The following HPCAL1 variants were observed in gnomAD, a reference collection of about 807,000 sequenced individuals.
The protein encoded by HPCAL1 is hippocalcin-like protein 1.
HPCAL1 carries 8 observed loss-of-function variants against 17.1 expected under a neutral mutation model. The observed-to-expected ratio is 0.47, with a 90% CI of 0.27 to 0.84. The LOEUF (loss-of-function observed/expected upper bound fraction) is 0.84. Ranked by LOEUF, HPCAL1 falls within the 40% of genes least tolerant of loss-of-function variation. The probability of loss-of-function intolerance (pLI) is 0.13; values close to 1 mark genes in which losing one functional copy is unlikely to be tolerated. For missense variants in HPCAL1, 165 were observed against 271.1 expected (o/e 0.61, Z 2.75); for synonymous variants, 112 against 111.4 (o/e 1.01, Z -0.03).
rs887980 is a variant in HPCAL1 at position 10,363,126 on chromosome 2, G to A, written c.-110-33709G>A. Among the ~76,000 whole-genome samples, 27,082 of 152,104 alleles carry A rather than the reference G, an allele frequency of 0.18. 3,376 individuals are homozygous for A. Among genetic ancestry groups the A allele is most frequent in the African/African-American group, 0.35 (14,484 of 41,478 alleles). On this transcript the variant is annotated intron_variant, in intron 1 of 4. Transcript: ENST00000307845. The surrounding 1 kb of genome is among the most constrained non-coding windows in gnomAD (Gnocchi z 4.7). ...ACAGAGCAAGACCTTGTCTCAAAAA[G>A]TAAATAAAAAATAAAACCCATTCTC...
At chr2:10,374,675 T>A (rs1026665112) in intron 1 of HPCAL1, among the ~76,000 whole-genome samples, 2 of 152,346 alleles carry the variant, frequency 1.3e-5, no homozygotes, top group South Asian at 4.1e-4. Flanking sequence ...AGAAGGCTTC[T>A]TGGAAAGGGC....
chr2:10,349,702 C>CAAAAAAAAAAAAAAAAAAA (rs55897775), intron 1 of HPCAL1, among the ~76,000 whole-genome samples: 2 of 52,730 alleles, frequency 3.8e-5, no homozygotes, highest in African/African-American at 9.7e-5. Context: ...GACTCTGTCT[C>CAAAAAAAAAAAAAAAAAAA]AAAAAAAAAA....
At chr2:10,398,306 C>A (rs934685497) in intron 2 of HPCAL1, among the ~76,000 whole-genome samples, 3 of 152,244 alleles carry the variant, frequency 2.0e-5, no homozygotes, top group Non-Finnish European at 4.4e-5. Flanking sequence ...TCCTCCAAGT[C>A]CTCATACAAA....
intron 1 of HPCAL1, among the ~76,000 whole-genome samples, chr2:10,378,608 G>C (rs975305016): frequency 6.6e-6 from 1 of 152,064 alleles, no homozygotes; most frequent in African/African-American, 2.4e-5. Context: ...CATCATGGGG[G>C]CCTCACTCTC....
intron 1 of HPCAL1, among the ~76,000 whole-genome samples, chr2:10,307,390 A>G (rs1376915270): frequency 1.3e-5 from 2 of 152,212 alleles, no homozygotes; most frequent in East Asian, 3.8e-4. Context: ...GCATGTCTAG[A>G]GGACAGTTCC....
At chr2:10,421,955 G>A (rs781755176) in intron 3 of HPCAL1, among the ~76,000 whole-genome samples, 2 of 152,132 alleles carry the variant, frequency 1.3e-5, no homozygotes, top group Non-Finnish European at 1.5e-5. Flanking sequence ...ATGCAGTGGC[G>A]GAAGTAAGAA....
At chr2:10,421,563 T>C (rs1224097889) in intron 3 of HPCAL1, among the ~76,000 whole-genome samples, 2 of 152,126 alleles carry the variant, frequency 1.3e-5, no homozygotes, top group Non-Finnish European at 2.9e-5. Context: ...TAGCAGGGCA[T>C]AGTGGCATGC....
rs1221642397 is a variant in HPCAL1 at position 10,399,520 on chromosome 2, CCACCGCCACTGCCACCGCCACCAT to C, written c.-25+2610_-25+2633del. Among the ~76,000 whole-genome samples the C allele has an allele frequency of 3.7e-3, 432 of 117,842 alleles. 2 individuals carry two copies. The highest frequency in any genetic ancestry group is 0.029 in the Middle Eastern group (6 of 210). The allele number at this position is 117,842 out of a possible 152,430, so 77.3% of individuals were successfully genotyped here. ...ATCACCATCACCACCACCGCCGCCACCACCGCCACTGCCACCGCCACCATCACCGCCACCACTACCGCCACCGCC... is the reference window on the plus strand; with the variant it reads ...ATCACCATCACCACCACCGCCGCCACCACCGCCACCACTACCGCCACCGCC... On this transcript the variant is annotated intron_variant, in intron 2 of 4. Coordinates refer to ENST00000307845, the MANE Select transcript of HPCAL1 (RefSeq NM_002149.4).
intron 1 of HPCAL1, among the ~76,000 whole-genome samples, chr2:10,307,677 T>C (rs1662709545): frequency 6.6e-6 from 1 of 152,182 alleles, no homozygotes; most frequent in Non-Finnish European, 1.5e-5. Context: ...TCACTTGAAA[T>C]CTCTGGAGAG....
At chr2:10,339,245 C>T (rs533669221) in intron 1 of HPCAL1, among the ~76,000 whole-genome samples, 22 of 152,266 alleles carry the variant, frequency 1.4e-4, no homozygotes, top group East Asian at 9.6e-4. Flanking sequence ...CTCCACCTCC[C>T]GGGTTCAAGT....
At chr2:10,348,749 A>G (rs554266859) in intron 1 of HPCAL1, among the ~76,000 whole-genome samples, 1 of 152,274 alleles carries the variant, frequency 6.6e-6, no homozygotes, top group African/African-American at 2.4e-5. Flanking sequence ...ACTGCACTCC[A>G]GCCTGAGCGA....
chr2:10,402,884 C>A (rs1197983609), intron 2 of HPCAL1, among the ~76,000 whole-genome samples: 2 of 152,164 alleles, frequency 1.3e-5, no homozygotes, highest in African/African-American at 4.8e-5. Flanking sequence ...CTGCGCAAAA[C>A]CCCAGGGAGG....
intron 2 of HPCAL1, among the ~76,000 whole-genome samples, chr2:10,402,572 C>T (rs1351181148): frequency 6.6e-6 from 1 of 152,312 alleles, no homozygotes; most frequent in South Asian, 2.1e-4. Flanking sequence ...CTGCTGGGGC[C>T]ACCGAGGGCG....
At chr2:10,405,908 C>A (rs1315252629) in intron 2 of HPCAL1, among the ~76,000 whole-genome samples, 1 of 152,224 alleles carries the variant, frequency 6.6e-6, no homozygotes. Context: ...GCGCCAAGTC[C>A]CCGCAAATGG....
At chr2:10,401,425 C>T (rs1669604729) in intron 2 of HPCAL1, among the ~76,000 whole-genome samples, 1 of 151,948 alleles carries the variant, frequency 6.6e-6, no homozygotes, top group Non-Finnish European at 1.5e-5. Flanking sequence ...GTTCCTAGGC[C>T]CCCAGAGGGT....
rs1422403267 is a variant in HPCAL1 at position 10,323,342 on chromosome 2, CA to C, written c.-111+20166del. On this transcript the variant is annotated intron_variant, in intron 1 of 4. Transcript: ENST00000307845. The surrounding 1 kb of genome is among the most constrained non-coding windows in gnomAD (Gnocchi z 4.6). The stretch of plus-strand genomic sequence containing the variant: ...CTAACTTCAGTGTTAGAGCACCTTT[CA>C]GGGGGAATGGCGTAAAAAAGCCTTC... Among the ~76,000 whole-genome samples, 3 of 152,228 alleles carry C rather than the reference CA, an allele frequency of 2.0e-5. No homozygotes were observed. The highest frequency in any genetic ancestry group is 4.4e-5 in the Non-Finnish European group (3 of 68,036).
chr2:10,338,733 C>T (rs916909705), intron 1 of HPCAL1, among the ~76,000 whole-genome samples: 1 of 152,176 alleles, frequency 6.6e-6, no homozygotes, highest in African/African-American at 2.4e-5. Flanking sequence ...GAGCTCACCT[C>T]CATGGATTCC....
intron 3 of HPCAL1, among the ~76,000 whole-genome samples, chr2:10,421,789 T>C (rs1001541977): frequency 3.9e-5 from 6 of 152,124 alleles, no homozygotes; most frequent in Non-Finnish European, 8.8e-5. Context: ...GGGCCTCCAG[T>C]AGCGGGTATC....
chr2:10,426,084 C>G (rs997633483), intron 4 of HPCAL1: 1 of 152,304 alleles, frequency 6.6e-6, no homozygotes, highest in African/African-American at 2.4e-5. Context: ...CCCTAGGCCA[C>G]GAGCCTCCAG....
Sources: allele counts gnomAD v4.1 joint callset (sites outside exome capture counted in the v4.1 genomes callset), GRCh38; gene constraint gnomAD v4.1.1; non-coding constraint Gnocchi (gnomAD v3.1); transcripts MANE v1.5; gene names NCBI Gene and HGNC (gene_info 2026-07-23, HGNC 2026-07-21).